The following SLC10A7 variants were observed in gnomAD, a reference collection of about 807,000 sequenced individuals.
SLC10A7 encodes sodium/bile acid cotransporter 7.
SLC10A7 carries 29 observed loss-of-function variants against 43.2 expected under a neutral mutation model. The ratio of observed to expected loss-of-function variants is 0.67; its 90% CI spans 0.50 to 0.92. SLC10A7 has a LOEUF of 0.92. SLC10A7 is among the 40% of genes least tolerant of loss of function. The pLI is 0.00. For synonymous variants in SLC10A7, 152 were observed against 144.8 expected (o/e 1.05, Z -0.35); for missense variants, 295 against 403.2 (o/e 0.73, Z 2.30).
intron 1 of SLC10A7, among the ~76,000 whole-genome samples, chr4:146,518,761 G>A (rs890338826): frequency 6.6e-6 from 1 of 151,940 alleles, no homozygotes; most frequent in Admixed American, 6.6e-5. Context: ...GGTGGAGGCT[G>A]GAGTTATATT....
At chr4:146,335,126 C>A (rs1733789685) in intron 5 of SLC10A7, among the ~76,000 whole-genome samples, 1 of 151,678 alleles carries the variant, frequency 6.6e-6, no homozygotes, top group Admixed American at 6.6e-5. Context: ...GTTTGGGGAT[C>A]CTCAATAGTT....
intron 6 of SLC10A7, among the ~76,000 whole-genome samples, chr4:146,320,858 C>T (rs79126109): frequency 0.067 from 10,244 of 151,810 alleles, 454 homozygotes; most frequent in South Asian, 0.19. Flanking sequence ...TTATGGAGAA[C>T]GCATGGGAAA....
chr4:146,378,113 G>T (rs1737339384), intron 5 of SLC10A7, among the ~76,000 whole-genome samples: 1 of 152,118 alleles, frequency 6.6e-6, no homozygotes, highest in Non-Finnish European at 1.5e-5. Context: ...GACTGGTTTT[G>T]GATGCAGTTC....
At chr4:146,290,255 C>A (rs982955867) in intron 9 of SLC10A7, among the ~76,000 whole-genome samples, 1 of 138,628 alleles carries the variant, frequency 7.2e-6, no homozygotes, top group African/African-American at 2.7e-5. Flanking sequence ...ACCCAGGAGG[C>A]GGAGCTTGCA....
At chr4:146,457,413 A>C (rs1012819351) in intron 4 of SLC10A7, among the ~76,000 whole-genome samples, 5 of 151,882 alleles carry the variant, frequency 3.3e-5, no homozygotes, top group African/African-American at 1.2e-4. Flanking sequence ...GTTATTTTTA[A>C]ATGTACAATT....
intron 2 of SLC10A7, chr4:146,514,986 C>T (rs1737813572): frequency 1.3e-5 from 8 of 602,690 alleles, no homozygotes; most frequent in South Asian, 4.0e-5. Context: ...CACGAGATCA[C>T]GGCATTTCAT....
chr4:146,355,771 C>T (rs1036718721), intron 5 of SLC10A7, among the ~76,000 whole-genome samples: 1 of 148,512 alleles, frequency 6.7e-6, no homozygotes, highest in African/African-American at 2.5e-5. Context: ...CCATCATTCT[C>T]AGTAAACTAT....
chr4:146,432,298 A>G, intron 5 of SLC10A7, among the ~76,000 whole-genome samples: 1 of 152,326 alleles, frequency 6.6e-6, no homozygotes, highest in Non-Finnish European at 1.5e-5. Flanking sequence ...AAATAAAAAC[A>G]TATATCTATA....
At position 146,516,200 on chromosome 4, in the gene SLC10A7, G is replaced by A. The variant is rs564804606; in HGVS notation, c.183+838C>T. ...ACAGGATGTTAGAATGATATTTTATGTAATTTCTTCAAGACCAAATGGGTA... is the reference window on the plus strand; with the variant it reads ...ACAGGATGTTAGAATGATATTTTATATAATTTCTTCAAGACCAAATGGGTA... On this transcript the variant is annotated intron_variant, in intron 2 of 11. Coordinates refer to ENST00000335472, the MANE Select transcript of SLC10A7 (RefSeq NM_001029998.6). Among the ~76,000 whole-genome samples, 9 of 151,884 alleles carry A rather than the reference G, an allele frequency of 5.9e-5. No homozygotes were observed. The East Asian group carries it at 1.8e-3, about 30-fold the overall frequency.
At chr4:146,312,096 T>G (rs1038418921) in intron 6 of SLC10A7, among the ~76,000 whole-genome samples, 1 of 152,160 alleles carries the variant, frequency 6.6e-6, no homozygotes, top group African/African-American at 2.4e-5. Flanking sequence ...AAGCTAAAAT[T>G]GGGTTATTGT....
At chr4:146,351,086 G>C (rs1252225009) in intron 5 of SLC10A7, among the ~76,000 whole-genome samples, 1 of 151,376 alleles carries the variant, frequency 6.6e-6, no homozygotes, top group African/African-American at 2.4e-5. Flanking sequence ...ATTACTCTGA[G>C]CTACAGGAGG....
Position 146,445,769 on chromosome 4 carries a change from G to T in SLC10A7, c.397-2948C>A, listed in dbSNP as rs181260268. On this transcript the variant is annotated intron_variant, in intron 4 of 11. Transcript: ENST00000335472. The stretch of plus-strand genomic sequence containing the variant: ...GGGAGCTGGAAACGGGGTGGAATGG[G>T]ACGAAAATCTTCCGCGGGAGTCTGG... Among the ~76,000 whole-genome samples the T allele has an allele frequency of 1.6e-4, 24 of 152,206 alleles. No individual in the cohort carries two copies. The East Asian group carries it at 3.9e-3, about 25-fold the overall frequency.
intron 6 of SLC10A7, among the ~76,000 whole-genome samples, chr4:146,316,198 TAAA>T (rs962226056): frequency 2.0e-5 from 3 of 151,932 alleles, no homozygotes; most frequent in Admixed American, 2.0e-4. Context: ...ACTGAGAAAA[TAAA>T]GAAGAACAAG....
intron 10 of SLC10A7, among the ~76,000 whole-genome samples, chr4:146,279,072 AC>A (rs1729381090): frequency 6.6e-6 from 1 of 152,170 alleles, no homozygotes; most frequent in Admixed American, 6.6e-5. Context: ...TGATGATGGT[AC>A]TCTATTTAAT....
At chr4:146,323,603 C>T (rs1406441374) in intron 6 of SLC10A7, among the ~76,000 whole-genome samples, 1 of 152,116 alleles carries the variant, frequency 6.6e-6, no homozygotes, top group Non-Finnish European at 1.5e-5. Flanking sequence ...GGTACCAGTA[C>T]CATGCTGTTT....
chr4:146,444,159 A>G lies in SLC10A7; in HGVS notation c.397-1338T>C, dbSNP rs576716861. On this transcript the variant is annotated intron_variant, in intron 4 of 11. Transcript: ENST00000335472. ...AAAAGTTTTATGTATGGGGAAAAAT[A>G]AGTAAAAGGTTATAAATAAATTAGT... 3.1e-3 allele frequency among the ~76,000 whole-genome samples: 467 copies of G among 152,334 alleles called. 2 individuals carry two copies. The highest frequency in any genetic ancestry group is 0.01 in the African/African-American group (435 of 41,570).
chr4:146,407,157 T>A (rs1727774932), intron 5 of SLC10A7, among the ~76,000 whole-genome samples: 1 of 152,220 alleles, frequency 6.6e-6, no homozygotes. Flanking sequence ...CAAGTGAGGC[T>A]GAAAGTATAC....
intron 7 of SLC10A7, among the ~76,000 whole-genome samples, chr4:146,297,367 C>T (rs895237200): frequency 6.6e-6 from 1 of 152,098 alleles, no homozygotes; most frequent in Non-Finnish European, 1.5e-5. Flanking sequence ...ATAAATGGAG[C>T]CACATATCAA....
At chr4:146,401,117 GA>G (rs1421471631) in intron 5 of SLC10A7, among the ~76,000 whole-genome samples, 1 of 152,122 alleles carries the variant, frequency 6.6e-6, no homozygotes, top group African/African-American at 2.4e-5. Flanking sequence ...AGCATCAGCT[GA>G]AGTCATTCAG....
Sources: gnomAD v4.1 joint callset for allele counts (sites outside exome capture counted in the v4.1 genomes callset) on GRCh38, gnomAD v4.1.1 for gene constraint, MANE v1.5 for transcripts, NCBI Gene and HGNC (gene_info 2026-07-23, HGNC 2026-07-21) for gene names.